The following SLC18B1 variants were observed in gnomAD, a reference collection of about 807,000 sequenced individuals.
SLC18B1 encodes the protein MFS-type transporter SLC18B1.
Under a neutral mutation model 53.9 loss-of-function variants are expected in SLC18B1, and 62 were observed. The ratio of observed to expected loss-of-function variants is 1.15; its 90% confidence interval spans 0.94 to 1.42. The LOEUF is 1.42. Among genes scored for constraint, SLC18B1 ranks in the 40% most tolerant of loss-of-function variants. The pLI is 0.00. For missense variants in SLC18B1, 598 were observed against 547.3 expected, an observed-to-expected ratio of 1.09 and a Z score of -0.93; for synonymous variants, 217 against 200.9, an observed-to-expected ratio of 1.08 and a Z score of -0.68.
chr6:132,786,552 C>T (rs1423734783), intron 5 of SLC18B1, among the ~76,000 whole-genome samples: 3 of 47,934 alleles, frequency 6.3e-5, no homozygotes, highest in Non-Finnish European at 9.1e-5. Context: ...CCATCCCCCA[C>T]TCCAAAAAAA....
At chr6:132,779,128 A>G (rs78795600) in intron 7 of SLC18B1, 140 bp downstream of exon 7, 20,570 of 838,174 alleles carry the variant, frequency 0.025, 310 homozygotes, top group Non-Finnish European at 0.031. Flanking sequence ...GTAGAGAGGG[A>G]CACGCTACCT....
chr6:132,793,045 C>T (rs1252590120), intron 2 of SLC18B1, among the ~76,000 whole-genome samples: 1 of 152,158 alleles, frequency 6.6e-6, no homozygotes, highest in Non-Finnish European at 1.5e-5. Context: ...TGTTTGAACT[C>T]AGGAGGCGGA....
intron 6 of SLC18B1, among the ~76,000 whole-genome samples, chr6:132,780,824 T>C (rs964907999): frequency 1.3e-5 from 2 of 152,122 alleles, no homozygotes; most frequent in African/African-American, 4.8e-5. Context: ...CCTCCCAAAG[T>C]GCTGAGATTA....
intron 2 of SLC18B1, among the ~76,000 whole-genome samples, chr6:132,793,259 A>G (rs1781594369): frequency 6.6e-6 from 1 of 152,264 alleles, no homozygotes; most frequent in South Asian, 2.1e-4. Flanking sequence ...CAGTTAGCTT[A>G]GCTAATAAGA....
intron 5 of SLC18B1, among the ~76,000 whole-genome samples, chr6:132,787,194 C>A (rs6569852): frequency 0.12 from 18,667 of 151,994 alleles, 2,126 homozygotes; most frequent in African/African-American, 0.3. Context: ...TGATTTGGAC[C>A]ACATTTACCT....
At chr6:132,771,266 C>T in intron 11 of SLC18B1, 137 bp from the exon 12 acceptor site, 1 of 701,634 alleles carries the variant, frequency 1.4e-6, no homozygotes, top group Non-Finnish European at 2.3e-6. Context: ...AATTCCTGGG[C>T]ACAGCATTCA....
chr6:132,795,257 T>A (rs1284604503), intron 2 of SLC18B1, among the ~76,000 whole-genome samples: 1 of 152,198 alleles, frequency 6.6e-6, no homozygotes, highest in African/African-American at 2.4e-5. Flanking sequence ...CCATATTTTT[T>A]CACTCCCAAA....
intron 7 of SLC18B1, among the ~76,000 whole-genome samples, chr6:132,778,140 C>A (rs1358042516): frequency 6.6e-6 from 1 of 152,022 alleles, no homozygotes; most frequent in Non-Finnish European, 1.5e-5. Flanking sequence ...GACTCATTGT[C>A]CAGGGGAGGA....
chr6:132,770,741 A>C (rs568381535), intron 13 of SLC18B1, 149 bp downstream of exon 13: 10 of 790,064 alleles, frequency 1.3e-5, no homozygotes, highest in Non-Finnish European at 1.8e-5. Context: ...ATCTCAAAAA[A>C]TAAAAATTAA....
rs776867415 is a variant in SLC18B1 at position 132,774,242 on chromosome 6, G to A, written c.969C>T (p.Val323=). ...TAGCYMLLGP[V]PILHIKSQLW... ...ATTACCTTTTAATATGCAAGATTGGGACAGGCCCTAAGAGCATGTAGCACC... is the reference window on the plus strand; with the variant it reads ...ATTACCTTTTAATATGCAAGATTGGAACAGGCCCTAAGAGCATGTAGCACC... Residue 323 remains valine, a synonymous_variant, in exon 9 of 14, where the codon GTC becomes GTT. Coordinates refer to ENST00000275227, the MANE Select transcript of SLC18B1 (RefSeq NM_052831.3). 1.5e-5 allele frequency: 24 copies of A among 1,608,476 alleles called. No homozygotes were observed. Among genetic ancestry groups the A allele is most frequent in the Non-Finnish European group, 1.9e-5 (22 of 1,177,266 alleles).
intron 11 of SLC18B1, among the ~76,000 whole-genome samples, chr6:132,771,508 A>G (rs1425567400): frequency 6.6e-6 from 1 of 152,230 alleles, no homozygotes; most frequent in Non-Finnish European, 1.5e-5. Flanking sequence ...TAAAAAATAA[A>G]CAAATGAATG....
intron 6 of SLC18B1, 140 bp downstream of exon 6, chr6:132,783,793 C>T (rs1466629128): frequency 3.3e-6 from 2 of 610,860 alleles, no homozygotes; most frequent in African/African-American, 2.0e-5. Flanking sequence ...AAACTAATTG[C>T]CTACATTACT....
intron 7 of SLC18B1, 30 bp from the exon 8 acceptor site, chr6:132,776,459 A>G (rs760013230): frequency 1.3e-6 from 2 of 1,534,080 alleles, no homozygotes; most frequent in Non-Finnish European, 1.8e-6. Context: ...TTAAAGTTAC[A>G]TAATTAAGTC....
At chr6:132,773,807 T>G (rs1781037062) in intron 9 of SLC18B1, among the ~76,000 whole-genome samples, 1 of 152,022 alleles carries the variant, frequency 6.6e-6, no homozygotes, top group Non-Finnish European at 1.5e-5. Context: ...AATAAGCAGC[T>G]ACTACATGCT....
Position 132,776,405 on chromosome 6 carries a change from C to A in SLC18B1, c.820G>T (p.Gly274Ter), listed in dbSNP as rs749464100. The A allele has an allele frequency of 2.5e-5, 40 of 1,612,984 alleles. No individual in the cohort carries two copies. Among genetic ancestry groups the A allele is most frequent in the Non-Finnish European group, 3.3e-5 (39 of 1,179,580 alleles). The change falls in exon 8 of 14, where the codon GGA (glycine) becomes TGA (stop). Residue 274 changes from glycine to a stop codon, truncating the protein, a stop_gained. Transcript: ENST00000275227. LOFTEE classifies it high-confidence loss of function. Reference protein sequence around the residue: ...EKFNLPAGYVGLVFLGMALSY... With the variant: ...EKFNLPAGYV ...AGTGCCATACCCAGGAATACTAGTC[C>A]CACATATCCAGCTGGTAAATTGAAC...
intron 7 of SLC18B1, among the ~76,000 whole-genome samples, chr6:132,776,796 C>T (rs915348855): frequency 1.4e-4 from 22 of 152,112 alleles, no homozygotes; most frequent in Non-Finnish European, 3.2e-4. Context: ...GTTTCTGATT[C>T]AGAAAAAGAG....
Position 132,787,569 on chromosome 6 carries a change from T to G in SLC18B1, c.366A>C (p.Arg122=). The change falls in exon 5 of 14, where the codon CGA becomes CGC. Residue 122 remains arginine (R), a synonymous_variant. Transcript: ENST00000275227. ...CAATAAATACTGGCCCATCTGGAACTCGGTCCAATACACTAAAAAGGAATA... is the reference window on the plus strand; with the variant it reads ...CAATAAATACTGGCCCATCTGGAACGCGGTCCAATACACTAAAAAGGAATA... ...GVTILFGVLD[R]VPDGPVFIAM... is the part of the protein sequence containing the mutation. 13 of 1,594,160 alleles carry G rather than the reference T, an allele frequency of 8.2e-6. No homozygotes were observed. The highest frequency in any genetic ancestry group is 1.0e-5 in the Non-Finnish European group (12 of 1,173,444).
intron 1 of SLC18B1, 77 bp from the exon 2 acceptor site, chr6:132,797,198 C>T: frequency 1.3e-6 from 2 of 1,554,156 alleles, no homozygotes; most frequent in East Asian, 2.3e-5. Context: ...TTTCTGTGCA[C>T]ATATGTTGCA....
At chr6:132,779,204 C>A in intron 7 of SLC18B1, 64 bp downstream of exon 7, 1 of 1,589,606 alleles carries the variant, frequency 6.3e-7, no homozygotes, top group Non-Finnish European at 8.6e-7. Flanking sequence ...AGAGCAGGGC[C>A]CAAGAACAAG....
Sources: allele counts gnomAD v4.1 joint callset (sites outside exome capture counted in the v4.1 genomes callset), GRCh38; gene constraint gnomAD v4.1.1; transcripts MANE v1.5; gene names NCBI Gene and HGNC (gene_info 2026-07-23, HGNC 2026-07-21).